PTPRT: variants seen among roughly 807,000 people sequenced by gnomAD.
The protein encoded by PTPRT is protein tyrosine phosphatase receptor type T.
A neutral mutation model predicts 176.8 loss-of-function variants in PTPRT; 56 were observed. That is an observed-to-expected ratio of 0.32 (90% CI 0.26 to 0.40). The LOEUF is 0.40. PTPRT is among the 10% of genes least tolerant of loss of function. The pLI is 1.00. For missense variants in PTPRT, 1,540 were observed against 1,908.2 expected (o/e 0.81, Z 3.60); for synonymous variants, 783 against 739.0 (o/e 1.06, Z -0.96).
At chr20:42,930,732 G>A (rs1274475490) in intron 1 of PTPRT, among the ~76,000 whole-genome samples, 6 of 151,602 alleles carry the variant, frequency 4.0e-5, no homozygotes, top group African/African-American at 1.2e-4. Context: ...CTCCTGCCTC[G>A]GCCTCCCAAA....
intron 6 of PTPRT, among the ~76,000 whole-genome samples, chr20:42,696,447 C>T (rs1231441429): frequency 9.1e-6 from 1 of 109,772 alleles, no homozygotes; most frequent in East Asian, 2.6e-4. Flanking sequence ...CTTCCAATAG[C>T]CACATGAATT....
chr20:42,287,507 C>T (rs934703288), intron 12 of PTPRT, among the ~76,000 whole-genome samples: 1 of 151,522 alleles, frequency 6.6e-6, no homozygotes, highest in Non-Finnish European at 1.5e-5. Context: ...TGTTCTCACT[C>T]ATATGCAGAA....
At chr20:42,669,645 C>T (rs972293761) in intron 7 of PTPRT, among the ~76,000 whole-genome samples, 2 of 152,152 alleles carry the variant, frequency 1.3e-5, no homozygotes, top group African/African-American at 4.8e-5. Flanking sequence ...GAAAAACTCA[C>T]GAGACTAGTT....
intron 27 of PTPRT, among the ~76,000 whole-genome samples, 158 bp from the exon 28 acceptor site, chr20:42,086,011 G>A (rs918598743): frequency 2.0e-5 from 3 of 151,040 alleles, no homozygotes; most frequent in African/African-American, 4.9e-5. Flanking sequence ...GCATTGGCAC[G>A]ATTTTGGCTC....
chr20:42,652,083 A>C (rs192511148), intron 7 of PTPRT, among the ~76,000 whole-genome samples: 34 of 151,888 alleles, frequency 2.2e-4, no homozygotes, highest in Middle Eastern at 3.4e-3. Context: ...AAAAAAACAA[A>C]AAAAAAAAGG....
intron 18 of PTPRT, among the ~76,000 whole-genome samples, chr20:42,133,986 A>G (rs1988255995): frequency 6.6e-6 from 1 of 152,204 alleles, no homozygotes; most frequent in South Asian, 2.1e-4. Context: ...TCTGTACCAA[A>G]TACAGATCCA....
chr20:42,458,739 G>A (rs569427727), intron 8 of PTPRT, among the ~76,000 whole-genome samples: 1 of 152,220 alleles, frequency 6.6e-6, no homozygotes, highest in African/African-American at 2.4e-5. Flanking sequence ...ATAGCTTACT[G>A]AGCTTTCTAC....
chr20:42,238,835 T>C (rs1004155829), intron 14 of PTPRT, among the ~76,000 whole-genome samples: 1 of 152,110 alleles, frequency 6.6e-6, no homozygotes, highest in Non-Finnish European at 1.5e-5. Context: ...CTCAGCACCA[T>C]CACTTAACTA....
intron 1 of PTPRT, among the ~76,000 whole-genome samples, chr20:43,125,051 A>C (rs979713613): frequency 6.6e-6 from 1 of 151,706 alleles, no homozygotes; most frequent in Non-Finnish European, 1.5e-5. Flanking sequence ...GCTGGAGTGC[A>C]ATGGCACAAT....
intron 1 of PTPRT, among the ~76,000 whole-genome samples, chr20:43,012,643 T>G (rs540562164): frequency 6.6e-6 from 1 of 152,186 alleles, no homozygotes; most frequent in African/African-American, 2.4e-5. Context: ...TCCAAAGCCA[T>G]GAGAAGAATG....
At chr20:42,258,831 C>T (rs2056695486) in intron 13 of PTPRT, among the ~76,000 whole-genome samples, 1 of 152,034 alleles carries the variant, frequency 6.6e-6, no homozygotes, top group Non-Finnish European at 1.5e-5. Context: ...TGGAAAATAC[C>T]ACAGAGATGC....
intron 2 of PTPRT, among the ~76,000 whole-genome samples, chr20:42,833,956 A>C (rs2078137684): frequency 2.6e-5 from 4 of 152,238 alleles, no homozygotes; most frequent in Admixed American, 1.3e-4. Flanking sequence ...TAGGCTAAAA[A>C]TTGTTAAATA....
intron 6 of PTPRT, among the ~76,000 whole-genome samples, chr20:42,746,088 A>C (rs2076686731): frequency 6.6e-6 from 1 of 152,256 alleles, no homozygotes; most frequent in Admixed American, 6.5e-5. Context: ...CAAATGCGTT[A>C]AAAGTGTTAA....
At chr20:42,219,802 A>C (rs2055844225) in intron 15 of PTPRT, among the ~76,000 whole-genome samples, 1 of 152,184 alleles carries the variant, frequency 6.6e-6, no homozygotes. Flanking sequence ...TTGACAGCTT[A>C]ACTATCACAT....
chr20:42,721,783 G>T (rs1179342394), intron 6 of PTPRT, among the ~76,000 whole-genome samples: 1 of 152,184 alleles, frequency 6.6e-6, no homozygotes, highest in African/African-American at 2.4e-5. Flanking sequence ...CGCACACACA[G>T]GTGCATCCCT....
At chr20:42,366,504 C>A (rs1003953323) in intron 9 of PTPRT, among the ~76,000 whole-genome samples, 1 of 152,216 alleles carries the variant, frequency 6.6e-6, no homozygotes, top group South Asian at 2.1e-4. Flanking sequence ...GAAGCTCTAC[C>A]TTGTCATTGA....
intron 7 of PTPRT, among the ~76,000 whole-genome samples, chr20:42,558,540 C>T (rs2072899390): frequency 6.6e-6 from 1 of 151,920 alleles, no homozygotes; most frequent in Non-Finnish European, 1.5e-5. Context: ...GAGGAATTGC[C>T]ACAAAAAGTA....
intron 13 of PTPRT, among the ~76,000 whole-genome samples, chr20:42,277,884 TCATCCATCCATCCATC>T (rs60397646): frequency 9.3e-5 from 13 of 139,786 alleles, no homozygotes; most frequent in South Asian, 2.5e-4. Context: ...AGTCATCCAC[TCATCCATCCATCCATC>T]CATCCATCCA....
At chr20:42,370,997 T>C (rs2058579583) in intron 9 of PTPRT, among the ~76,000 whole-genome samples, 1 of 152,224 alleles carries the variant, frequency 6.6e-6, no homozygotes, top group African/African-American at 2.4e-5. Context: ...ACCTCTTCCT[T>C]CAGTTCTGAG....
Sources: gnomAD v4.1 joint callset for allele counts (sites outside exome capture counted in the v4.1 genomes callset) on GRCh38, gnomAD v4.1.1 for gene constraint, MANE v1.5 for transcripts, NCBI Gene and HGNC (gene_info 2026-07-23, HGNC 2026-07-21) for gene names.